GALNS: variants seen among roughly 807,000 people sequenced by gnomAD.
The protein encoded by GALNS is galactosamine (N-acetyl)-6-sulfatase, also known as N-acetylgalactosamine-6-sulfatase.
A neutral mutation model predicts 65.9 loss-of-function variants in GALNS; 65 were observed. That is an observed-to-expected ratio of 0.99 (90% CI 0.81 to 1.21). The LOEUF is 1.21. Ranked by LOEUF, GALNS falls within the 50% of genes most tolerant of loss-of-function variation. GALNS has a pLI of 0.00. For synonymous variants in GALNS, 346 were observed against 288.9 expected, an observed-to-expected ratio of 1.20 and a Z score of -2.00; for missense variants, 776 against 700.7, an observed-to-expected ratio of 1.11 and a Z score of -1.21.
intron 1 of GALNS, among the ~76,000 whole-genome samples, chr16:88,846,844 G>A (rs1305766255): frequency 7.9e-5 from 12 of 152,052 alleles, no homozygotes; most frequent in African/African-American, 2.2e-4. Flanking sequence ...GCCCGGCCGT[G>A]TTTCTGTTCT....
At chr16:88,827,817 C>T (rs1197496456) in intron 9 of GALNS, among the ~76,000 whole-genome samples, 1 of 152,206 alleles carries the variant, frequency 6.6e-6, no homozygotes, top group African/African-American at 2.4e-5. Flanking sequence ...GAGAGACACC[C>T]CTGCCTGGCA....
intron 8 of GALNS, among the ~76,000 whole-genome samples, chr16:88,832,525 G>A (rs1170161733): frequency 6.6e-6 from 1 of 152,152 alleles, no homozygotes; most frequent in Non-Finnish European, 1.5e-5. Context: ...AGTCACGGTG[G>A]GGCGTAGGAA....
intron 10 of GALNS, among the ~76,000 whole-genome samples, chr16:88,825,727 C>T (rs2142995027): frequency 6.6e-6 from 1 of 152,166 alleles, no homozygotes; most frequent in African/African-American, 2.4e-5. Context: ...CACGGGGTCT[C>T]CTGACCATGT....
intron 4 of GALNS, chr16:88,838,474 T>A (rs1477225925): frequency 2.0e-5 from 3 of 153,008 alleles, no homozygotes; most frequent in Non-Finnish European, 4.4e-5. Flanking sequence ...TCGCCAGGCA[T>A]CACACCCCAG....
At chr16:88,824,153 G>A (rs1389310790) in intron 11 of GALNS, among the ~76,000 whole-genome samples, 1 of 152,138 alleles carries the variant, frequency 6.6e-6, no homozygotes, top group East Asian at 1.9e-4. Context: ...TGCTGGGAGT[G>A]GGTGGGGCTG....
intron 1 of GALNS, among the ~76,000 whole-genome samples, chr16:88,853,853 G>C (rs2143010393): frequency 6.6e-6 from 1 of 152,302 alleles, no homozygotes; most frequent in South Asian, 2.1e-4. Context: ...CCCTGGACAG[G>C]TGGGGGCTCT....
intron 1 of GALNS, chr16:88,856,266 G>T: frequency 1.4e-6 from 1 of 703,040 alleles, no homozygotes. Flanking sequence ...GAGCCCAGCG[G>T]GGGGACCCGG....
At chr16:88,836,348 AT>A in intron 5 of GALNS, 81 bp from the exon 6 acceptor site, 1 of 1,143,406 alleles carries the variant, frequency 8.7e-7, no homozygotes, top group Non-Finnish European at 1.3e-6. Flanking sequence ...CAGCAAAGCC[AT>A]GGGCTTCATT....
chr16:88,855,842 G>C (rs1043839117), intron 1 of GALNS: 1 of 502,214 alleles, frequency 2.0e-6, no homozygotes, highest in African/African-American at 1.9e-5. Context: ...GTCTCTGCTG[G>C]TCGGAGCCAG....
intron 1 of GALNS, among the ~76,000 whole-genome samples, chr16:88,848,129 G>C (rs1967335698): frequency 6.6e-6 from 1 of 152,230 alleles, no homozygotes; most frequent in African/African-American, 2.4e-5. Context: ...GGACACGTCA[G>C]AAAAGGCAGA....
intron 6 of GALNS, 109 bp from the exon 7 acceptor site, chr16:88,835,958 T>C: frequency 6.6e-7 from 1 of 1,514,986 alleles, no homozygotes. Flanking sequence ...GCGGTCCCCG[T>C]CCCCACGCGT....
At chr16:88,822,785 C>T in intron 11 of GALNS, 75 bp from the exon 12 acceptor site, 2 of 1,574,776 alleles carry the variant, frequency 1.3e-6, no homozygotes, top group South Asian at 2.3e-5. Context: ...TGCCCGTGTC[C>T]TGGAGCCCCT....
chr16:88,847,368 T>G (rs1328714090), intron 1 of GALNS, among the ~76,000 whole-genome samples: 1 of 151,852 alleles, frequency 6.6e-6, no homozygotes, highest in African/African-American at 2.4e-5. Flanking sequence ...GAGAACCCTG[T>G]CTCAAAAAAA....
intron 12 of GALNS, among the ~76,000 whole-genome samples, chr16:88,821,353 G>C (rs1202271942): frequency 1.3e-5 from 2 of 152,158 alleles, no homozygotes; most frequent in African/African-American, 4.8e-5. Flanking sequence ...TCTGGACTCA[G>C]GGCATTTGGC....
intron 9 of GALNS, among the ~76,000 whole-genome samples, chr16:88,830,757 C>G (rs1157403787): frequency 6.6e-6 from 1 of 150,562 alleles, no homozygotes; most frequent in Non-Finnish European, 1.5e-5. Flanking sequence ...CCTCGCCCAG[C>G]CAGGACCCAG....
chr16:88,855,265 T>C (rs1967746894), intron 1 of GALNS: 1 of 699,734 alleles, frequency 1.4e-6, no homozygotes, highest in East Asian at 2.7e-5. Context: ...AGCAGAAACT[T>C]AACAGGGAGG....
At chr16:88,848,475 T>A (rs926916092) in intron 1 of GALNS, among the ~76,000 whole-genome samples, 1 of 148,114 alleles carries the variant, frequency 6.8e-6, no homozygotes, top group South Asian at 2.1e-4. Context: ...CTACCAAAAA[T>A]ACAAAAAATT....
Position 88,814,175 on chromosome 16 carries a change from G to C in GALNS, c.*264C>G. The C allele has an allele frequency of 3.5e-6, 2 of 566,848 alleles. No individual in the cohort carries two copies. Among genetic ancestry groups the C allele is most frequent in the Non-Finnish European group, 3.2e-6 (1 of 315,426 alleles). 35.1% of individuals were successfully genotyped at this position (566,848 alleles called of 1,614,324 possible). ...AGATATTTGGGGTTCACAAAGGCGT[G>C]AGACGGCAGGGTCCTGAGGTCTGAG... On this transcript the variant is annotated 3_prime_UTR_variant, in exon 14 of 14. Coordinates refer to ENST00000268695, the MANE Select transcript of GALNS (RefSeq NM_000512.5).
At chr16:88,842,888 G>A in intron 1 of GALNS, 59 bp from the exon 2 acceptor site, 1 of 1,600,248 alleles carries the variant, frequency 6.2e-7, no homozygotes, top group South Asian at 1.1e-5. Flanking sequence ...TTCTGGCCTG[G>A]GGAGCTGCCC....
Sources: allele counts gnomAD v4.1 joint callset (sites outside exome capture counted in the v4.1 genomes callset), GRCh38; gene constraint gnomAD v4.1.1; transcripts MANE v1.5; gene names NCBI Gene and HGNC (gene_info 2026-07-23, HGNC 2026-07-21).